Variants in GMPR observed in about 807,000 individuals in gnomAD.
GMPR encodes the protein guanosine monophosphate reductase, also known as GMP reductase 1.
Under a neutral mutation model 38.4 loss-of-function variants are expected in GMPR, and 31 were observed. The ratio of observed to expected loss-of-function variants is 0.81; its 90% confidence interval spans 0.61 to 1.09. GMPR has a LOEUF of 1.09. Ranked by LOEUF, GMPR falls within the 50% of genes least tolerant of loss-of-function variation. GMPR has a pLI of 0.00. For missense variants in GMPR, 468 were observed against 453.7 expected (o/e 1.03, Z -0.29); for synonymous variants, 162 against 173.3 (o/e 0.93, Z 0.51).
At chr6:16,291,835 C>T (rs1212370769) in intron 8 of GMPR, among the ~76,000 whole-genome samples, 1 of 150,970 alleles carries the variant, frequency 6.6e-6, no homozygotes, top group African/African-American at 2.4e-5. Context: ...GGCTTAAGCC[C>T]AGGAGTTGGA....
chr6:16,291,619 C>A (rs1179751094), intron 8 of GMPR, among the ~76,000 whole-genome samples: 1 of 152,100 alleles, frequency 6.6e-6, no homozygotes, highest in African/African-American at 2.4e-5. Flanking sequence ...TTTTAAGAAC[C>A]TGATGATGGG....
chr6:16,279,360 G>T (rs1379076859), intron 6 of GMPR, among the ~76,000 whole-genome samples: 5 of 152,206 alleles, frequency 3.3e-5, no homozygotes, highest in Non-Finnish European at 5.9e-5. Context: ...TCCTCTGTGT[G>T]TGTGTCTCTG....
intron 4 of GMPR, among the ~76,000 whole-genome samples, chr6:16,263,574 G>T (rs1255362961): frequency 6.6e-6 from 1 of 151,464 alleles, no homozygotes; most frequent in Non-Finnish European, 1.5e-5. Flanking sequence ...GTTGGGGCGT[G>T]GAAATAAGGG....
chr6:16,245,445 A>AGAG (rs1758733991), intron 1 of GMPR, among the ~76,000 whole-genome samples: 1 of 152,214 alleles, frequency 6.6e-6, no homozygotes, highest in Non-Finnish European at 1.5e-5. Flanking sequence ...GAAAAAAATG[A>AGAG]GAGGAGCATC....
In GMPR at chr6:16,256,215, C is replaced by T. The variant is rs1414556480; in HGVS notation, c.465+1480C>T. On this transcript the variant is annotated intron_variant, in intron 4 of 8. Coordinates refer to ENST00000259727, the MANE Select transcript of GMPR (RefSeq NM_006877.4). ...TGGGCAACAGAGGGAGACTCCGTCTCAAAAAAAAAAAAAGAATTGGCCGGG... is the reference window on the plus strand; with the variant it reads ...TGGGCAACAGAGGGAGACTCCGTCTTAAAAAAAAAAAAAGAATTGGCCGGG... 5.3e-5 allele frequency among the ~76,000 whole-genome samples: 6 copies of T among 112,318 alleles called. No homozygotes were observed. The South Asian group carries it at 1.1e-3, about 21-fold the overall frequency. 73.7% of individuals were successfully genotyped at this position (112,318 alleles called of 152,430 possible). A position where few individuals can be genotyped will look rare whatever the true frequency, so the allele number is the denominator to read the frequency against.
At chr6:16,266,124 TAA>T (rs1759207824) in intron 4 of GMPR, among the ~76,000 whole-genome samples, 1 of 52,530 alleles carries the variant, frequency 1.9e-5, no homozygotes, top group African/African-American at 2.3e-4. Context: ...TTAAGAGCTG[TAA>T]CACTTGCCAT....
intron 7 of GMPR, among the ~76,000 whole-genome samples, chr6:16,287,521 G>A (rs572362522): frequency 3.0e-4 from 45 of 152,180 alleles, no homozygotes; most frequent in Non-Finnish European, 5.1e-4. Context: ...GAGCGAGAGG[G>A]ACCTTGTCAG....
At chr6:16,281,199 C>G (rs1759565488) in intron 6 of GMPR, among the ~76,000 whole-genome samples, 2 of 152,320 alleles carry the variant, frequency 1.3e-5, no homozygotes, top group South Asian at 4.1e-4. Context: ...CCTACAGAAT[C>G]AGAACTCTGC....
chr6:16,254,238 G>A (rs1490607987), intron 3 of GMPR, among the ~76,000 whole-genome samples: 1 of 151,918 alleles, frequency 6.6e-6, no homozygotes, highest in Non-Finnish European at 1.5e-5. Context: ...GCTAATTTTT[G>A]TATTCTTAGT....
At chr6:16,268,385 G>A (rs1759311010) in intron 4 of GMPR, among the ~76,000 whole-genome samples, 1 of 152,144 alleles carries the variant, frequency 6.6e-6, no homozygotes, top group South Asian at 2.1e-4. Context: ...CACGATCTTG[G>A]CTAACTGCAG....
chr6:16,274,567 C>T, intron 5 of GMPR, 71 bp downstream of exon 5: 1 of 849,008 alleles, frequency 1.2e-6, no homozygotes, highest in South Asian at 1.3e-5. Context: ...GCGGGGACTG[C>T]AGATCACTGG....
intron 7 of GMPR, among the ~76,000 whole-genome samples, chr6:16,288,999 G>T (rs1297614242): frequency 6.6e-6 from 1 of 152,218 alleles, no homozygotes; most frequent in Non-Finnish European, 1.5e-5. Flanking sequence ...GGTGGGGCCA[G>T]ATAAGAGAAT....
At chr6:16,256,448 G>A (rs539621822) in intron 4 of GMPR, among the ~76,000 whole-genome samples, 11 of 143,348 alleles carry the variant, frequency 7.7e-5, no homozygotes, top group Admixed American at 2.2e-4. Context: ...AGAATTGCTC[G>A]AACCCGGGAG....
chr6:16,291,702 G>T (rs918016394), intron 8 of GMPR, among the ~76,000 whole-genome samples: 1 of 152,048 alleles, frequency 6.6e-6, no homozygotes, highest in Non-Finnish European at 1.5e-5. Context: ...CTTGAGACCG[G>T]GAGTTCCAGA....
At chr6:16,246,064 T>A (rs149797538) in intron 1 of GMPR, among the ~76,000 whole-genome samples, 14 of 152,282 alleles carry the variant, frequency 9.2e-5, no homozygotes, top group South Asian at 2.1e-4. Context: ...CTGAGGATGG[T>A]GGGTGGGCAG....
Position 16,284,351 on chromosome 6 carries a change from G to A in GMPR, c.655-1442G>A, listed in dbSNP as rs553877585. On this transcript the variant is annotated intron_variant, in intron 6 of 8. Coordinates refer to ENST00000259727, the MANE Select transcript of GMPR (RefSeq NM_006877.4). ...GTTTGAGATGTTCTTCACAAGGTGG[G>A]TCATCCCATTTCCCTGCTCTCCAAC... Among the ~76,000 whole-genome samples the A allele has an allele frequency of 7.9e-4, 121 of 152,298 alleles. 1 individual carries two copies. The highest frequency in any genetic ancestry group is 2.6e-3 in the African/African-American group (109 of 41,576).
intron 4 of GMPR, among the ~76,000 whole-genome samples, chr6:16,267,547 C>T (rs1257316895): frequency 2.0e-5 from 3 of 152,138 alleles, no homozygotes; most frequent in African/African-American, 7.2e-5. Flanking sequence ...ACCATGAACC[C>T]ACCAGAAGGA....
Position 16,295,071 on chromosome 6 carries a change from T to C in GMPR, c.923T>C (p.Ile308Thr). Reference sequence around the variant, plus strand: ...GATGTGGAAAACACTATCCTGGATATTCTCGGGGGACTGAGGTCCACGTGC... The same window carrying C: ...GATGTGGAAAACACTATCCTGGATACTCTCGGGGGACTGAGGTCCACGTGC... ...KGDVENTILD[I>T]LGGLRSTCTY... The change falls in exon 9 of 9, where the codon ATT becomes ACT. Residue 308 changes from isoleucine (I) to threonine (T), a missense_variant. Ile to Thr is a moderately conservative substitution (Grantham distance 89). Coordinates refer to ENST00000259727, the MANE Select transcript of GMPR (RefSeq NM_006877.4). 1 of 1,605,558 alleles carries C rather than the reference T, an allele frequency of 6.2e-7. No individual in the cohort carries two copies. Among genetic ancestry groups the C allele is most frequent in the South Asian group, 1.1e-5 (1 of 90,664 alleles).
chr6:16,258,912 G>A (rs761150908), intron 4 of GMPR, among the ~76,000 whole-genome samples: 15 of 152,196 alleles, frequency 9.9e-5, no homozygotes, highest in Non-Finnish European at 1.9e-4. Flanking sequence ...GCTCACAAAC[G>A]TTCCAGGAAG....
Sources: allele counts gnomAD v4.1 joint callset (sites outside exome capture counted in the v4.1 genomes callset), GRCh38; gene constraint gnomAD v4.1.1; transcripts MANE v1.5; gene names NCBI Gene and HGNC (gene_info 2026-07-23, HGNC 2026-07-21).